CHSY1: variants seen among roughly 807,000 people sequenced by gnomAD.
The protein encoded by CHSY1 is N-acetylgalactosaminyl-proteoglycan 3-beta-glucuronosyltransferase 1.
CHSY1 carries 13 observed loss-of-function variants against 59.8 expected under a neutral mutation model. That is an observed-to-expected ratio of 0.22 (90% CI 0.14 to 0.35). CHSY1 has a LOEUF of 0.35. CHSY1 is among the 10% of genes least tolerant of loss of function. CHSY1 has a pLI of 1.00. For synonymous variants in CHSY1, 459 were observed against 401.2 expected (o/e 1.14, Z -1.72); for missense variants, 947 against 1,030.6 (o/e 0.92, Z 1.11).
chr15:101,242,316 G>A (rs2039010836), intron 1 of CHSY1, among the ~76,000 whole-genome samples: 1 of 152,222 alleles, frequency 6.6e-6, no homozygotes. Flanking sequence ...GACTCAGTGA[G>A]AGCACTCTCA....
chr15:101,217,620 G>A (rs576918660), intron 2 of CHSY1, among the ~76,000 whole-genome samples: 4 of 152,280 alleles, frequency 2.6e-5, no homozygotes, highest in South Asian at 2.1e-4. Context: ...AGGGATGGAG[G>A]GAGGGAGGAC....
At chr15:101,223,961 T>A (rs2141268348) in intron 2 of CHSY1, among the ~76,000 whole-genome samples, 1 of 152,382 alleles carries the variant, frequency 6.6e-6, no homozygotes, top group East Asian at 1.9e-4. Context: ...CGTAAGATTG[T>A]AATACCTTAT....
chr15:101,180,712 G>T (rs571972348), intron 2 of CHSY1, among the ~76,000 whole-genome samples: 9 of 152,314 alleles, frequency 5.9e-5, no homozygotes, highest in African/African-American at 2.2e-4. Flanking sequence ...CTGGCACCGG[G>T]ACTCCTTCAA....
At chr15:101,190,763 A>T (rs2038432207) in intron 2 of CHSY1, among the ~76,000 whole-genome samples, 1 of 152,246 alleles carries the variant, frequency 6.6e-6, no homozygotes, top group African/African-American at 2.4e-5. Context: ...AAACAACCCA[A>T]TTAAAAAGTA....
intron 1 of CHSY1, among the ~76,000 whole-genome samples, chr15:101,243,369 C>A (rs2039021011): frequency 1.3e-5 from 2 of 152,232 alleles, no homozygotes; most frequent in African/African-American, 2.4e-5. Context: ...GCGACTAATA[C>A]TTAATGATCC....
At chr15:101,187,710 A>G (rs992078254) in intron 2 of CHSY1, 1 of 152,236 alleles carries the variant, frequency 6.6e-6, no homozygotes, top group Admixed American at 6.5e-5. Flanking sequence ...CTTAAAAAAA[A>G]CTCAGCAAAG....
intron 1 of CHSY1, among the ~76,000 whole-genome samples, chr15:101,245,579 TTAA>T (rs1355192344): frequency 1.3e-5 from 2 of 152,172 alleles, no homozygotes; most frequent in Non-Finnish European, 2.9e-5. Flanking sequence ...AGCAGCTTAG[TTAA>T]CAGACAGGGG....
At position 101,183,459 on chromosome 15, in the gene CHSY1, A is replaced by G. The variant is rs1174991494; in HGVS notation, c.817-4479T>C. ...ATGCCTTCAGAAGTGGGAGGAGTGG[A>G]AAATTATTCTCAGTGTAGAATTCTC... On this transcript the variant is annotated intron_variant, in intron 2 of 2. Transcript: ENST00000254190. 2.6e-5 allele frequency among the ~76,000 whole-genome samples: 4 copies of G among 152,216 alleles called. No individual in the cohort carries two copies. In the East Asian group the frequency reaches 7.7e-4, roughly 29 times the overall value.
At chr15:101,205,951 CAAAA>C (rs1170295420) in intron 2 of CHSY1, among the ~76,000 whole-genome samples, 1 of 134,144 alleles carries the variant, frequency 7.5e-6, no homozygotes, top group Non-Finnish European at 1.6e-5. Context: ...GACTCCGTCT[CAAAA>C]AAAAAAAAAG....
chr15:101,200,809 T>C (rs1300932279), intron 2 of CHSY1, among the ~76,000 whole-genome samples: 2 of 152,200 alleles, frequency 1.3e-5, no homozygotes, highest in Non-Finnish European at 2.9e-5. Context: ...CCTGGTCATG[T>C]TGCTTGCTGG....
chr15:101,211,006 A>G (rs934657647), intron 2 of CHSY1, among the ~76,000 whole-genome samples: 1 of 152,224 alleles, frequency 6.6e-6, no homozygotes, highest in Non-Finnish European at 1.5e-5. Context: ...ACTAAAATTA[A>G]AATACACAGC....
chr15:101,189,826 C>T (rs539274270), intron 2 of CHSY1, among the ~76,000 whole-genome samples: 35 of 152,356 alleles, frequency 2.3e-4, no homozygotes, highest in African/African-American at 7.2e-4. Context: ...AAGACTCCAG[C>T]GGCGCTGGGA....
chr15:101,183,326 G>GA (rs1330009409), intron 2 of CHSY1, among the ~76,000 whole-genome samples: 1 of 152,078 alleles, frequency 6.6e-6, no homozygotes, highest in Non-Finnish European at 1.5e-5. Context: ...AAAACTACAG[G>GA]AAAAAGCAAT....
intron 2 of CHSY1, among the ~76,000 whole-genome samples, chr15:101,214,562 C>A (rs2038713385): frequency 6.6e-6 from 1 of 152,236 alleles, no homozygotes; most frequent in Admixed American, 6.5e-5. Flanking sequence ...CAGCTTGGAT[C>A]TGTGTTTCCA....
chr15:101,195,119 T>C (rs2038490699), intron 2 of CHSY1, among the ~76,000 whole-genome samples: 1 of 152,166 alleles, frequency 6.6e-6, no homozygotes, highest in Admixed American at 6.5e-5. Context: ...TTTATTATTA[T>C]AAAACAATAT....
intron 1 of CHSY1, 132 bp downstream of exon 1, chr15:101,251,004 AG>A: frequency 1.2e-6 from 1 of 828,394 alleles, no homozygotes; most frequent in African/African-American, 1.8e-5. Context: ...GTCTCCCGAG[AG>A]GCAACCCGAT....
intron 1 of CHSY1, among the ~76,000 whole-genome samples, chr15:101,238,851 G>A (rs565491230): frequency 6.6e-6 from 1 of 152,298 alleles, no homozygotes; most frequent in East Asian, 1.9e-4. Flanking sequence ...TGAAGAAAAA[G>A]GATGTAGAAT....
At chr15:101,227,806 T>C (rs1412916158) in intron 2 of CHSY1, among the ~76,000 whole-genome samples, 2 of 152,202 alleles carry the variant, frequency 1.3e-5, no homozygotes, top group African/African-American at 4.8e-5. Context: ...CTCTGTCCAG[T>C]CATTAGCTAA....
At chr15:101,248,152 C>T (rs1437878950) in intron 1 of CHSY1, among the ~76,000 whole-genome samples, 1 of 152,124 alleles carries the variant, frequency 6.6e-6, no homozygotes, top group East Asian at 1.9e-4. Context: ...TAGAGTTCTA[C>T]CTTGTGCTAG....
Sources: allele counts gnomAD v4.1 joint callset (sites outside exome capture counted in the v4.1 genomes callset), GRCh38; gene constraint gnomAD v4.1.1; transcripts MANE v1.5; gene names NCBI Gene and HGNC (gene_info 2026-07-23, HGNC 2026-07-21).